The following GRID1 variants were observed in gnomAD, a reference collection of about 807,000 sequenced individuals.
The protein encoded by GRID1 is glutamate receptor ionotropic, delta-1.
A neutral mutation model predicts 98.0 loss-of-function variants in GRID1; 28 were observed. The ratio of observed to expected loss-of-function variants is 0.29; its 90% confidence interval spans 0.21 to 0.39. The LOEUF (loss-of-function observed/expected upper bound fraction) is 0.39. Ranked by LOEUF, GRID1 falls within the 10% of genes least tolerant of loss-of-function variation. GRID1 has a pLI of 1.00. For missense variants in GRID1, 1,111 were observed against 1,340.5 expected (o/e 0.83, Z 2.67); for synonymous variants, 553 against 538.5 (o/e 1.03, Z -0.37).
chr10:85,773,714 C>A (rs1382146420), intron 8 of GRID1, among the ~76,000 whole-genome samples: 1 of 152,178 alleles, frequency 6.6e-6, no homozygotes, highest in Non-Finnish European at 1.5e-5. Context: ...TGAGTGAACT[C>A]TCATTTACAA....
chr10:85,795,893 A>C (rs563345309), intron 8 of GRID1, among the ~76,000 whole-genome samples: 4 of 152,344 alleles, frequency 2.6e-5, no homozygotes, highest in Non-Finnish European at 5.9e-5. Flanking sequence ...TGTTATGAAG[A>C]ACTGAAGGAA....
rs1554832284 is a variant in GRID1, at chr10:85,802,885, A to ACT, written c.1233+51610_1233+51611insAG. Among the ~76,000 whole-genome samples the ACT allele has an allele frequency of 8.2e-5, 12 of 146,006 alleles. 1 individual carries two copies. Among genetic ancestry groups the ACT allele is most frequent in the African/African-American group, 2.8e-4 (11 of 39,678 alleles). On this transcript the variant is annotated intron_variant, in intron 8 of 15. Coordinates refer to ENST00000327946, the MANE Select transcript of GRID1 (RefSeq NM_017551.3). The stretch of plus-strand genomic sequence containing the variant: ...CACACACACACACACACACACACAC[A>ACT]CCAAGGAACATTCAAATCAAATTGC...
At chr10:85,868,054 G>A (rs2131792207) in intron 6 of GRID1, among the ~76,000 whole-genome samples, 1 of 152,296 alleles carries the variant, frequency 6.6e-6, no homozygotes, top group Non-Finnish European at 1.5e-5. Flanking sequence ...TGATACTCAG[G>A]TGGCAGATAC....
intron 5 of GRID1, among the ~76,000 whole-genome samples, chr10:85,874,923 T>C (rs4360645): frequency 6.6e-6 from 1 of 152,184 alleles, no homozygotes; most frequent in Non-Finnish European, 1.5e-5. Flanking sequence ...TGGAGTGCAG[T>C]GGCACAATCT....
At chr10:86,127,035 C>T (rs1431992106) in intron 4 of GRID1, among the ~76,000 whole-genome samples, 2 of 152,218 alleles carry the variant, frequency 1.3e-5, no homozygotes, top group Non-Finnish European at 1.5e-5. Context: ...ACAGAATTAT[C>T]CAAGAGTAGT....
At chr10:86,260,140 G>A (rs1053958308) in intron 2 of GRID1, among the ~76,000 whole-genome samples, 9 of 152,184 alleles carry the variant, frequency 5.9e-5, no homozygotes, top group Admixed American at 2.0e-4. Flanking sequence ...CCTGCACCTT[G>A]TTCTCTGTTC....
intron 2 of GRID1, among the ~76,000 whole-genome samples, chr10:86,305,027 T>C (rs1847740245): frequency 6.6e-6 from 1 of 152,040 alleles, no homozygotes; most frequent in Non-Finnish European, 1.5e-5. Context: ...TCAGATGTGA[T>C]TAACATTTAA....
At chr10:85,812,864 A>AC (rs1842684962) in intron 8 of GRID1, among the ~76,000 whole-genome samples, 1 of 151,772 alleles carries the variant, frequency 6.6e-6, no homozygotes, top group Non-Finnish European at 1.5e-5. Flanking sequence ...TTATATATAT[A>AC]TACACACACA....
At chr10:86,295,230 G>A (rs1847571287) in intron 2 of GRID1, among the ~76,000 whole-genome samples, 1 of 152,152 alleles carries the variant, frequency 6.6e-6, no homozygotes, top group Admixed American at 6.5e-5. Flanking sequence ...GGAATCTTTA[G>A]GGCAGGAGAT....
At chr10:86,234,057 G>A (rs796211827) in intron 2 of GRID1, among the ~76,000 whole-genome samples, 12 of 152,236 alleles carry the variant, frequency 7.9e-5, no homozygotes, top group African/African-American at 2.2e-4. Context: ...TGCCCCTTCA[G>A]GACTAGGGAC....
chr10:86,306,877 C>T (rs890221915), intron 2 of GRID1, among the ~76,000 whole-genome samples: 1 of 152,206 alleles, frequency 6.6e-6, no homozygotes, highest in African/African-American at 2.4e-5. Flanking sequence ...ACTGATCCAC[C>T]TTTGTTGCGA....
intron 4 of GRID1, among the ~76,000 whole-genome samples, chr10:86,091,234 T>C (rs1332018050): frequency 6.6e-6 from 1 of 152,106 alleles, no homozygotes; most frequent in Non-Finnish European, 1.5e-5. Flanking sequence ...CAGATAGCCT[T>C]GGGCAAATTT....
At chr10:86,087,555 G>A (rs1417362233) in intron 4 of GRID1, among the ~76,000 whole-genome samples, 1 of 146,198 alleles carries the variant, frequency 6.8e-6, no homozygotes, top group East Asian at 2.0e-4. Context: ...CTCCCCTCCA[G>A]AGTGAAAACT....
chr10:85,622,984 C>G (rs751134630), intron 13 of GRID1, among the ~76,000 whole-genome samples: 15 of 152,182 alleles, frequency 9.9e-5, no homozygotes, highest in Non-Finnish European at 1.8e-4. Flanking sequence ...GGGAAGAACA[C>G]TTTATGGACA....
intron 3 of GRID1, among the ~76,000 whole-genome samples, chr10:86,142,676 CACACCTTTCTGCACGTTT>C (rs1039430359): frequency 6.6e-6 from 1 of 152,226 alleles, no homozygotes; most frequent in African/African-American, 2.4e-5. Flanking sequence ...GTCTACAGAG[CACACCTTTCTGCACGTTT>C]ACATAAGCAT....
At chr10:86,227,152 G>C (rs1027362762) in intron 2 of GRID1, among the ~76,000 whole-genome samples, 2 of 152,260 alleles carry the variant, frequency 1.3e-5, no homozygotes, top group Non-Finnish European at 2.9e-5. Context: ...TCCCAGTGGG[G>C]AAGAGGCTTG....
chr10:85,838,323 T>C (rs111746207), intron 8 of GRID1, among the ~76,000 whole-genome samples: 2,891 of 152,246 alleles, frequency 0.019, 114 homozygotes, highest in African/African-American at 0.065. Context: ...CCCAGTCAGA[T>C]AGTTCACAAG....
intron 4 of GRID1, among the ~76,000 whole-genome samples, chr10:86,025,193 G>A (rs1843101016): frequency 6.6e-6 from 1 of 152,204 alleles, no homozygotes; most frequent in Non-Finnish European, 1.5e-5. Flanking sequence ...CTGTGACCCG[G>A]ACACATGGCT....
chr10:86,080,051 G>A (rs1346245780), intron 4 of GRID1, among the ~76,000 whole-genome samples: 1 of 152,106 alleles, frequency 6.6e-6, no homozygotes, highest in Non-Finnish European at 1.5e-5. Flanking sequence ...AACGGAGTAA[G>A]GGCCTGGCAC....
Sources: gnomAD v4.1 joint callset for allele counts (sites outside exome capture counted in the v4.1 genomes callset) on GRCh38, gnomAD v4.1.1 for gene constraint, MANE v1.5 for transcripts, NCBI Gene and HGNC (gene_info 2026-07-23, HGNC 2026-07-21) for gene names.